FLNB: variants seen among roughly 807,000 people sequenced by gnomAD.
FLNB encodes the protein filamin-B.
In FLNB, 111 loss-of-function variants were observed where a neutral mutation model predicts 250.6. The observed-to-expected ratio is 0.44, with a 90% confidence interval of 0.38 to 0.52. The LOEUF (loss-of-function observed/expected upper bound fraction) is 0.52. FLNB is among the 20% of genes least tolerant of loss of function. FLNB has a pLI of 0.00. For synonymous variants in FLNB, 1,302 were observed against 1,372.1 expected (o/e 0.95, Z 1.13); for missense variants, 2,869 against 3,447.8 (o/e 0.83, Z 4.20).
intron 3 of FLNB, among the ~76,000 whole-genome samples, 190 bp downstream of exon 3, chr3:58,079,004 G>T (rs1026538610): frequency 6.6e-6 from 1 of 152,148 alleles, no homozygotes; most frequent in African/African-American, 2.4e-5. Flanking sequence ...GGTGCTTATA[G>T]ATCTTAGTGT....
intron 20 of FLNB, among the ~76,000 whole-genome samples, chr3:58,121,751 C>G (rs2097289093): frequency 6.6e-6 from 1 of 152,158 alleles, no homozygotes; most frequent in Non-Finnish European, 1.5e-5. Context: ...TTAGCATAAT[C>G]ACAGTCCTCA....
rs574939133 is a variant in FLNB at position 58,102,351 on chromosome 3, C to T, written c.1483+11C>T. On this transcript the variant is annotated intron_variant, in intron 9 of 45. Transcript: ENST00000295956. ...CCATGAAGGGTCCTAGTAAGTGTTC[C>T]TTTGTTTCTCTATCTCAGGTGTGGT... is the stretch of plus-strand genomic sequence containing the variant. 1.2e-6 allele frequency: 2 copies of T among 1,614,050 alleles called. No homozygotes were observed. The highest frequency in any genetic ancestry group is 1.7e-5 in the Admixed American group (1 of 60,004).
chr3:58,037,290 C>A lies in FLNB; in HGVS notation c.292+28434C>A, dbSNP rs567174952. On this transcript the variant is annotated intron_variant, in intron 1 of 45. Coordinates refer to ENST00000295956, the MANE Select transcript of FLNB (RefSeq NM_001457.4). ...ATGTTGGCCAGGCTTGTCTGGAACT[C>A]CTGACCTCAGGCCATCCGCTCGCTT... is the stretch of plus-strand genomic sequence containing the variant. Among the ~76,000 whole-genome samples the A allele has an allele frequency of 7.9e-5, 12 of 152,254 alleles. 1 individual carries two copies. The highest frequency in any genetic ancestry group is 2.9e-4 in the African/African-American group (12 of 41,552).
At chr3:58,156,361 G>A (rs546082564) in intron 41 of FLNB, among the ~76,000 whole-genome samples, 140 of 152,326 alleles carry the variant, frequency 9.2e-4, no homozygotes, top group African/African-American at 2.9e-3. Context: ...AACAAAGGAA[G>A]CCTGTTCATA....
chr3:58,143,474 A>G lies in FLNB; in HGVS notation c.5286A>G (p.Gly1762=). The part of the protein sequence containing the change: ...PFAVRKGEIT[G]EVHMPSGKTA... ...GCCCCGTCTCTCTGTGCTCCATAGG[A>G]GAGGTCCACATGCCTTCTGGGAAGA... is the stretch of plus-strand genomic sequence containing the variant. Residue 1762 remains glycine (G), a splice_region_variant and synonymous_variant, in exon 32 of 46, where the codon GGA becomes GGG. Transcript: ENST00000295956. 2 of 1,614,114 alleles carry G rather than the reference A, an allele frequency of 1.2e-6. No homozygotes were observed. The highest frequency in any genetic ancestry group is 1.1e-5 in the South Asian group (1 of 91,082).
At chr3:58,108,855 T>C (rs1241505544) in intron 13 of FLNB, among the ~76,000 whole-genome samples, 1 of 152,152 alleles carries the variant, frequency 6.6e-6, no homozygotes, top group Non-Finnish European at 1.5e-5. Context: ...GCTGAGGCCA[T>C]GGGGGGAGAT....
chr3:58,106,900 T>A (rs1295953019), intron 12 of FLNB, 27 bp downstream of exon 12: 1 of 1,604,622 alleles, frequency 6.2e-7, no homozygotes, highest in Non-Finnish European at 8.5e-7. Context: ...GCTTCTGTCT[T>A]CTTGTCCCTG....
chr3:58,024,014 AC>A (rs2097118857), intron 1 of FLNB, among the ~76,000 whole-genome samples: 1 of 152,192 alleles, frequency 6.6e-6, no homozygotes, highest in Non-Finnish European at 1.5e-5. Context: ...TTCACCCTTG[AC>A]TGCCTGGGAA....
At chr3:58,170,406 C>A in intron 45 of FLNB, 169 bp from the exon 46 acceptor site, 1 of 652,506 alleles carries the variant, frequency 1.5e-6, no homozygotes, top group Non-Finnish European at 2.7e-6. Context: ...GGGATTCGAA[C>A]CCACACCGTC....
chr3:58,090,751 G>T (rs2097225527), intron 4 of FLNB, among the ~76,000 whole-genome samples: 1 of 152,000 alleles, frequency 6.6e-6, no homozygotes, highest in Non-Finnish European at 1.5e-5. Context: ...TTTATTGCAG[G>T]GATGCAAGGC....
Position 58,123,591 on chromosome 3 carries a change from G to C in FLNB, c.3625G>C (p.Gly1209Arg). The change falls in exon 21 of 46, where the codon GGT (glycine) becomes CGT (arginine). Residue 1209 changes from glycine (G) to arginine (R), a missense_variant. By Grantham distance (125) the Gly-to-Arg change is moderately radical. Around this residue, in one of 5 missense-constraint regions of FLNB, gnomAD observed 1,348 missense variants for 1,466.7 expected, o/e 0.92. Transcript: ENST00000295956. ...CATGTACACGTTGACCATGAAGTATGGTGGCGAACTCGTGCCACACTTCCC... is the reference window on the plus strand; with the variant it reads ...CATGTACACGTTGACCATGAAGTATCGTGGCGAACTCGTGCCACACTTCCC... ...AGMYTLTMKY[G>R]GELVPHFPAR... 1 of 1,612,700 alleles carries C rather than the reference G, an allele frequency of 6.2e-7. No individual in the cohort carries two copies. The highest frequency in any genetic ancestry group is 8.5e-7 in the Non-Finnish European group (1 of 1,179,886).
At chr3:58,076,340 A>T (rs558884583) in intron 1 of FLNB, among the ~76,000 whole-genome samples, 1 of 152,378 alleles carries the variant, frequency 6.6e-6, no homozygotes, top group East Asian at 1.9e-4. Context: ...ATGTATACAC[A>T]TACACACGTG....
chr3:58,124,572 C>T (rs1368722578), intron 22 of FLNB, 67 bp downstream of exon 22: 1 of 1,545,120 alleles, frequency 6.5e-7, no homozygotes. Context: ...CTCCTGGTGG[C>T]TGGTACTGAT....
intron 1 of FLNB, among the ~76,000 whole-genome samples, chr3:58,011,187 C>T (rs2097098235): frequency 1.3e-5 from 2 of 152,114 alleles, no homozygotes; most frequent in South Asian, 2.1e-4. Flanking sequence ...GCGGGGGTTA[C>T]AGCCCTGAGC....
chr3:58,109,894 G>A, intron 15 of FLNB, 116 bp from the exon 16 acceptor site: 2 of 1,450,462 alleles, frequency 1.4e-6, no homozygotes, highest in Non-Finnish European at 1.9e-6. Context: ...CTCTTTCTCA[G>A]GTTTCTTACT....
chr3:58,131,906 G>A (rs751086810), intron 25 of FLNB: 1 of 1,515,176 alleles, frequency 6.6e-7, no homozygotes, highest in South Asian at 1.2e-5. Flanking sequence ...GGACTCTCAA[G>A]TAACAGCCTT....
At chr3:58,034,656 C>T (rs1162418349) in intron 1 of FLNB, among the ~76,000 whole-genome samples, 2 of 152,202 alleles carry the variant, frequency 1.3e-5, no homozygotes, top group Non-Finnish European at 2.9e-5. Flanking sequence ...GGTTCCAAGT[C>T]ATGGGAAACC....
At chr3:58,121,182 G>T in intron 19 of FLNB, 59 bp from the exon 20 acceptor site, 2 of 1,611,616 alleles carry the variant, frequency 1.2e-6, no homozygotes, top group South Asian at 1.1e-5. Flanking sequence ...CTGTGCTCTG[G>T]ATTGTTCCTG....
intron 42 of FLNB, among the ~76,000 whole-genome samples, chr3:58,161,794 G>C (rs753832739): frequency 2.6e-5 from 4 of 151,870 alleles, no homozygotes; most frequent in Non-Finnish European, 4.4e-5. Context: ...TCCTCTTGGT[G>C]GCAGGATGGC....
Sources: allele counts gnomAD v4.1 joint callset (sites outside exome capture counted in the v4.1 genomes callset), GRCh38; gene constraint gnomAD v4.1.1; regional missense constraint gnomAD v4.1.1; transcripts MANE v1.5; gene names NCBI Gene and HGNC (gene_info 2026-07-23, HGNC 2026-07-21).